The following MSRB3 variants were observed in gnomAD, a reference collection of about 807,000 sequenced individuals.
MSRB3 encodes the protein methionine-R-sulfoxide reductase B3.
Under a neutral mutation model 21.0 loss-of-function variants are expected in MSRB3, and 13 were observed. The ratio of observed to expected loss-of-function variants is 0.62; its 90% CI spans 0.40 to 0.98. The LOEUF (loss-of-function observed/expected upper bound fraction) is 0.98. MSRB3 is among the 50% of genes least tolerant of loss of function. The probability of loss-of-function intolerance (pLI) is 0.00; values close to 1 mark genes in which losing one functional copy is unlikely to be tolerated. For missense variants in MSRB3, 199 were observed against 230.3 expected, an observed-to-expected ratio of 0.86 and a Z score of 0.88; for synonymous variants, 87 against 88.6, an observed-to-expected ratio of 0.98 and a Z score of 0.10.
intron 5 of MSRB3, among the ~76,000 whole-genome samples, chr12:65,403,821 T>C (rs1459985108): frequency 2.0e-5 from 3 of 152,144 alleles, no homozygotes; most frequent in African/African-American, 7.2e-5. Context: ...GCGTTCCTCA[T>C]GGCGCAGTCC....
At chr12:65,343,755 C>G (rs1242216603) in intron 4 of MSRB3, among the ~76,000 whole-genome samples, 1 of 152,064 alleles carries the variant, frequency 6.6e-6, no homozygotes, top group Non-Finnish European at 1.5e-5. Flanking sequence ...GCACCCTTCC[C>G]TAGCTCAATA....
In MSRB3 at chr12:65,463,225, C is replaced by G; in HGVS notation, c.461C>G (p.Ser154Trp). 7 of 1,614,200 alleles carry G rather than the reference C, an allele frequency of 4.3e-6. No individual in the cohort carries two copies. Among genetic ancestry groups the G allele is most frequent in the Non-Finnish European group, 5.9e-6 (7 of 1,180,036 alleles). The change falls in exon 7 of 7, where the codon TCG (serine) becomes TGG (tryptophan). Residue 154 changes from serine (S) to tryptophan (W), a missense_variant. Coordinates refer to ENST00000308259, the MANE Select transcript of MSRB3 (RefSeq NM_001031679.3). The part of the protein sequence containing the change: ...RPTGKRYCIN[S>W]AALSFTPADS... ...ACTGGGAAAAGATACTGCATAAATT[C>G]GGCTGCCTTGTCTTTTACACCTGCG...
At chr12:65,307,891 G>C (rs1388660812) in intron 1 of MSRB3, among the ~76,000 whole-genome samples, 1 of 152,058 alleles carries the variant, frequency 6.6e-6, no homozygotes. Flanking sequence ...TCCCTTAATT[G>C]TCCTTAGGTT....
At chr12:65,371,307 G>C (rs529081987) in intron 5 of MSRB3, among the ~76,000 whole-genome samples, 2 of 121,032 alleles carry the variant, frequency 1.7e-5, no homozygotes, top group African/African-American at 3.1e-5. Context: ...CAGCCTGGGC[G>C]ACAAGAGCGA....
intron 5 of MSRB3, among the ~76,000 whole-genome samples, chr12:65,369,591 G>C (rs1878207616): frequency 6.6e-6 from 1 of 152,122 alleles, no homozygotes; most frequent in Admixed American, 6.5e-5. Flanking sequence ...AGCCTCTTTA[G>C]ACATTTTCTT....
At position 65,422,410 on chromosome 12, in the gene MSRB3, ATATATATATATATATATATATTTATT is replaced by A. The variant is rs1311694655; in HGVS notation, c.293-31314_293-31289del. Among the ~76,000 whole-genome samples the A allele has an allele frequency of 0.01, 390 of 38,852 alleles. 10 individuals are homozygous for A. The Middle Eastern group carries it at 0.12, about 12-fold the overall frequency. 25.5% of individuals were successfully genotyped at this position (38,852 alleles called of 152,430 possible). On this transcript the variant is annotated intron_variant, in intron 5 of 6. Coordinates refer to ENST00000308259, the MANE Select transcript of MSRB3 (RefSeq NM_001031679.3). ...ATAGTATATATATATATATATATAT[ATATATATATATATATATATATTTATT>A]TATTTATTTATGGGGTATATGGGAT...
Position 65,332,165 on chromosome 12 carries a change from A to T in MSRB3, c.263+3562A>T, listed in dbSNP as rs58810030. ...CACAAAGTCTATTTTTTAATATCAAAATTCTTTTAGGGGTTCAGGAGCAAA... is the reference window on the plus strand; with the variant it reads ...CACAAAGTCTATTTTTTAATATCAATATTCTTTTAGGGGTTCAGGAGCAAA... On this transcript the variant is annotated intron_variant, in intron 4 of 6. Transcript: ENST00000308259. Among the ~76,000 whole-genome samples the T allele has an allele frequency of 8.8e-3, 1,339 of 152,246 alleles. 20 individuals are homozygous for T. Among genetic ancestry groups the T allele is most frequent in the African/African-American group, 0.031 (1,269 of 41,534 alleles).
At chr12:65,328,837 C>T (rs1009899562) in intron 4 of MSRB3, among the ~76,000 whole-genome samples, 7 of 152,188 alleles carry the variant, frequency 4.6e-5, no homozygotes, top group African/African-American at 1.7e-4. Flanking sequence ...TTAACTTGTT[C>T]ATGTCAGTAA....
At chr12:65,453,180 A>G (rs536336786) in intron 5 of MSRB3, among the ~76,000 whole-genome samples, 15 of 152,336 alleles carry the variant, frequency 9.8e-5, no homozygotes, top group African/African-American at 3.4e-4. Context: ...GATAGATGCT[A>G]TGATTTCCAG....
At chr12:65,412,326 A>G (rs935551849) in intron 5 of MSRB3, among the ~76,000 whole-genome samples, 1 of 152,164 alleles carries the variant, frequency 6.6e-6, no homozygotes, top group African/African-American at 2.4e-5. Flanking sequence ...CCCTAATAGA[A>G]GAATAAGTAG....
At chr12:65,447,635 C>T (rs998758964) in intron 5 of MSRB3, among the ~76,000 whole-genome samples, 4 of 152,002 alleles carry the variant, frequency 2.6e-5, no homozygotes, top group South Asian at 2.1e-4. Context: ...AAATAACTGT[C>T]GGAATGGTAG....
chr12:65,408,641 A>G (rs112578569), intron 5 of MSRB3, among the ~76,000 whole-genome samples: 448 of 152,232 alleles, frequency 2.9e-3, no homozygotes, highest in Admixed American at 4.6e-3. Flanking sequence ...TAGACCCACA[A>G]TTAGGTCTCC....
intron 5 of MSRB3, among the ~76,000 whole-genome samples, chr12:65,437,163 G>A (rs1410271506): frequency 1.3e-5 from 2 of 151,762 alleles, no homozygotes; most frequent in South Asian, 2.1e-4. Flanking sequence ...TTTTTGCCCC[G>A]TGGACTAAGG....
intron 4 of MSRB3, among the ~76,000 whole-genome samples, chr12:65,368,442 C>G (rs1018954042): frequency 1.3e-5 from 2 of 152,190 alleles, no homozygotes; most frequent in African/African-American, 4.8e-5. Context: ...AGTTTTCCCA[C>G]AGCCGAACTG....
chr12:65,326,983 C>A, intron 3 of MSRB3, 49 bp downstream of exon 3: 1 of 1,374,986 alleles, frequency 7.3e-7, no homozygotes, highest in Non-Finnish European at 1.0e-6. Flanking sequence ...TTTCTTCTCC[C>A]CCTGCCCTCT....
intron 4 of MSRB3, among the ~76,000 whole-genome samples, chr12:65,358,050 A>G (rs1410253179): frequency 3.9e-5 from 6 of 151,968 alleles, no homozygotes; most frequent in South Asian, 2.1e-4. Context: ...GTATCTCTAC[A>G]TAAATTATTT....
At chr12:65,426,349 C>A (rs911063351) in intron 5 of MSRB3, among the ~76,000 whole-genome samples, 1 of 152,096 alleles carries the variant, frequency 6.6e-6, no homozygotes, top group African/African-American at 2.4e-5. Flanking sequence ...GTCCCGTCCT[C>A]CCCCTGCACT....
At chr12:65,352,085 T>C (rs1877044556) in intron 4 of MSRB3, among the ~76,000 whole-genome samples, 1 of 151,924 alleles carries the variant, frequency 6.6e-6, no homozygotes, top group Non-Finnish European at 1.5e-5. Flanking sequence ...GCAAAACGAA[T>C]CCAGCAGCAC....
intron 5 of MSRB3, among the ~76,000 whole-genome samples, chr12:65,442,835 A>T (rs1381874440): frequency 6.6e-6 from 1 of 152,084 alleles, no homozygotes; most frequent in Non-Finnish European, 1.5e-5. Flanking sequence ...AGGTCCTTTG[A>T]TGCTAAAGGT....
Sources: allele counts gnomAD v4.1 joint callset (sites outside exome capture counted in the v4.1 genomes callset), GRCh38; gene constraint gnomAD v4.1.1; transcripts MANE v1.5; gene names NCBI Gene and HGNC (gene_info 2026-07-23, HGNC 2026-07-21).